The following MAF variants were observed in gnomAD, a reference collection of about 807,000 sequenced individuals.
MAF encodes the protein transcription factor Maf.
In MAF, 10 loss-of-function variants were observed where a neutral mutation model predicts 22.0. The ratio of observed to expected loss-of-function variants is 0.45; its 90% CI spans 0.28 to 0.77. The LOEUF (loss-of-function observed/expected upper bound fraction) is 0.77. MAF is among the 30% of genes least tolerant of loss of function. MAF has a pLI of 0.12. For synonymous variants in MAF, 337 were observed against 255.8 expected, an observed-to-expected ratio of 1.32 and a Z score of -3.03; for missense variants, 544 against 548.4, an observed-to-expected ratio of 0.99 and a Z score of 0.08.
the MAF span, among the ~76,000 whole-genome samples, chr16:79,255,347 C>G: frequency 6.6e-6 from 1 of 152,198 alleles, no homozygotes. Flanking sequence ...AGATGAAAAT[C>G]AGAAGTGACT....
At chr16:79,383,436 A>C in the MAF span, among the ~76,000 whole-genome samples, 1 of 152,212 alleles carries the variant, frequency 6.6e-6, no homozygotes, top group Non-Finnish European at 1.5e-5. Flanking sequence ...TGGGTTTCAG[A>C]ATCTATATGA....
the MAF span, among the ~76,000 whole-genome samples, chr16:79,284,457 A>G: frequency 6.6e-6 from 1 of 152,146 alleles, no homozygotes; most frequent in African/African-American, 2.4e-5. Flanking sequence ...GGCATCAAAA[A>G]ATTTACCCAA....
chr16:79,237,476 G>C, the MAF span, among the ~76,000 whole-genome samples: 1 of 152,052 alleles, frequency 6.6e-6, no homozygotes, highest in Admixed American at 6.6e-5. Context: ...GGAAATGGTT[G>C]GTTGGAGGAT....
the MAF span, among the ~76,000 whole-genome samples, chr16:79,214,050 T>C: frequency 1.3e-5 from 2 of 152,204 alleles, no homozygotes; most frequent in South Asian, 2.1e-4. Context: ...TTTCCTCTGC[T>C]GAAATGCTTT....
At chr16:79,355,679 T>G in the MAF span, among the ~76,000 whole-genome samples, 2 of 152,140 alleles carry the variant, frequency 1.3e-5, no homozygotes, top group African/African-American at 4.8e-5. Context: ...TTTCTAGTAC[T>G]CAAGAGATAG....
the MAF span, among the ~76,000 whole-genome samples, chr16:79,366,554 C>T: frequency 6.6e-6 from 1 of 152,216 alleles, no homozygotes; most frequent in African/African-American, 2.4e-5. Context: ...TCCTTACCAT[C>T]CCTTGCAGTT....
At chr16:79,267,597 G>A in the MAF span, among the ~76,000 whole-genome samples, 1 of 152,162 alleles carries the variant, frequency 6.6e-6, no homozygotes, top group South Asian at 2.1e-4. Context: ...CAGTGCAGAG[G>A]CACTACCTCT....
At chr16:79,377,537 T>C in the MAF span, among the ~76,000 whole-genome samples, 1 of 152,260 alleles carries the variant, frequency 6.6e-6, no homozygotes, top group Non-Finnish European at 1.5e-5. Flanking sequence ...TTTAATTAGA[T>C]CCCATTTGTC....
At chr16:79,429,663 T>C in the MAF span, among the ~76,000 whole-genome samples, 1 of 152,092 alleles carries the variant, frequency 6.6e-6, no homozygotes, top group Non-Finnish European at 1.5e-5. Flanking sequence ...CCAGGGTGTG[T>C]AAGCCTCCAC....
chr16:79,459,300 C>G, the MAF span, among the ~76,000 whole-genome samples: 8 of 152,112 alleles, frequency 5.3e-5, no homozygotes, highest in Admixed American at 5.2e-4. Context: ...TCTTTCAGTC[C>G]TTTTTCCTAC....
At chr16:79,287,964 A>G in the MAF span, among the ~76,000 whole-genome samples, 13 of 152,360 alleles carry the variant, frequency 8.5e-5, 2 homozygotes, top group East Asian at 2.5e-3. Flanking sequence ...TATGTGCCAA[A>G]CAACATGTGC....
the MAF span, among the ~76,000 whole-genome samples, chr16:79,300,512 G>A: frequency 1.3e-5 from 2 of 152,096 alleles, no homozygotes; most frequent in South Asian, 4.2e-4. Context: ...TGGAGATCCG[G>A]CCACTGCACT....
the MAF span, among the ~76,000 whole-genome samples, chr16:79,340,094 G>A: frequency 7.9e-5 from 12 of 152,164 alleles, no homozygotes; most frequent in South Asian, 1.9e-3. Context: ...AAATTACTAC[G>A]GGGAACTCTA....
intron 1 of MAF, chr16:79,595,791 A>G (rs1369621527): frequency 7.6e-6 from 8 of 1,057,288 alleles, no homozygotes; most frequent in Non-Finnish European, 9.1e-6. Context: ...CCAGGTAGAG[A>G]AGTTCTCCAC....
At chr16:79,311,154 C>G in the MAF span, among the ~76,000 whole-genome samples, 1 of 152,060 alleles carries the variant, frequency 6.6e-6, no homozygotes, top group African/African-American at 2.4e-5. Flanking sequence ...AGGCTCTCTC[C>G]CTCCCGCAGC....
the MAF span, among the ~76,000 whole-genome samples, chr16:79,425,986 C>T: frequency 6.6e-6 from 1 of 152,192 alleles, no homozygotes; most frequent in Non-Finnish European, 1.5e-5. Context: ...ACAGGCGGAT[C>T]ACCAGATCAG....
chr16:79,598,535 CCAGTTTAAAA>C, intron 1 of MAF: 1 of 1,415,992 alleles, frequency 7.1e-7, no homozygotes, highest in Non-Finnish European at 9.2e-7. Context: ...CATTCCCTCC[CCAGTTTAAAA>C]CAGCCACCAC....
the MAF span, among the ~76,000 whole-genome samples, chr16:79,252,482 G>C: frequency 2.0e-5 from 3 of 151,980 alleles, no homozygotes; most frequent in Admixed American, 6.6e-5. Flanking sequence ...TCAGGAGCCT[G>C]GTTTCGATTT....
the MAF span, among the ~76,000 whole-genome samples, chr16:79,246,437 A>G: frequency 6.6e-6 from 1 of 151,596 alleles, no homozygotes; most frequent in Non-Finnish European, 1.5e-5. Flanking sequence ...CTTGATTCTG[A>G]AAACACAAGG....
Sources: gnomAD v4.1 joint callset for allele counts (sites outside exome capture counted in the v4.1 genomes callset) on GRCh38, gnomAD v4.1.1 for gene constraint, MANE v1.5 for transcripts, NCBI Gene and HGNC (gene_info 2026-07-23, HGNC 2026-07-21) for gene names.